Variants in ASCC3 observed in about 807,000 individuals in gnomAD.
The protein encoded by ASCC3 is activating signal cointegrator 1 complex subunit 3.
A neutral mutation model predicts 256.3 loss-of-function variants in ASCC3; 158 were observed. The observed-to-expected ratio is 0.62, with a 90% CI of 0.54 to 0.70. The LOEUF (loss-of-function observed/expected upper bound fraction) is 0.70, where lower values mean the gene tolerates loss of function less well. Among genes scored for constraint, ASCC3 ranks in the 30% least tolerant of loss-of-function variants. ASCC3 has a pLI of 0.00. For synonymous variants in ASCC3, 948 were observed against 883.4 expected, an observed-to-expected ratio of 1.07 and a Z score of -1.30; for missense variants, 2,259 against 2,626.0, an observed-to-expected ratio of 0.86 and a Z score of 3.05.
At chr6:100,554,017 T>A (rs1004470964) in intron 36 of ASCC3, among the ~76,000 whole-genome samples, 15 of 152,272 alleles carry the variant, frequency 9.9e-5, no homozygotes, top group Admixed American at 9.8e-4. Context: ...CAGCTAAATA[T>A]GAGATATGCC....
chr6:100,513,340 T>C (rs1427036343), intron 39 of ASCC3, among the ~76,000 whole-genome samples: 1 of 152,218 alleles, frequency 6.6e-6, no homozygotes, highest in Admixed American at 6.5e-5. Context: ...ACTGAGCAGC[T>C]GTTGACTATA....
intron 25 of ASCC3, among the ~76,000 whole-genome samples, chr6:100,632,997 T>C (rs1317682379): frequency 1.3e-5 from 2 of 151,646 alleles, no homozygotes; most frequent in Non-Finnish European, 2.9e-5. Flanking sequence ...AATAAATAAA[T>C]AAATAAAATC....
chr6:100,871,265 T>C (rs1773729502), intron 1 of ASCC3, among the ~76,000 whole-genome samples: 1 of 151,970 alleles, frequency 6.6e-6, no homozygotes, highest in South Asian at 2.1e-4. Flanking sequence ...CCGGCTAATT[T>C]TGGTATTTTT....
At chr6:100,515,312 C>G (rs1033425859) in intron 39 of ASCC3, among the ~76,000 whole-genome samples, 1 of 152,042 alleles carries the variant, frequency 6.6e-6, no homozygotes, top group African/African-American at 2.4e-5. Flanking sequence ...TTGGGTTCAA[C>G]AGAAACTGAA....
At chr6:100,693,364 G>A (rs984154226) in intron 13 of ASCC3, among the ~76,000 whole-genome samples, 1 of 151,936 alleles carries the variant, frequency 6.6e-6, no homozygotes, top group African/African-American at 2.4e-5. Flanking sequence ...CAAAACTGAG[G>A]GTGGAAAGGC....
intron 13 of ASCC3, among the ~76,000 whole-genome samples, chr6:100,712,087 C>T (rs947693650): frequency 1.5e-4 from 23 of 152,230 alleles, no homozygotes; most frequent in African/African-American, 4.6e-4. Flanking sequence ...TGAATCTAGA[C>T]GCAGACCTCA....
chr6:100,609,113 T>C (rs548934850), intron 30 of ASCC3, among the ~76,000 whole-genome samples: 2 of 152,050 alleles, frequency 1.3e-5, no homozygotes, highest in African/African-American at 4.8e-5. Context: ...ATTTTATTTA[T>C]GCTTTAACTT....
At chr6:100,625,120 A>G (rs1774160164) in intron 30 of ASCC3, 72 bp downstream of exon 30, 1 of 1,551,198 alleles carries the variant, frequency 6.4e-7, no homozygotes, top group East Asian at 2.3e-5. Context: ...ATACAATTAC[A>G]TATGTAATGA....
chr6:100,653,022 CA>C (rs1775746171), intron 17 of ASCC3, 133 bp from the exon 18 acceptor site: 2 of 787,312 alleles, frequency 2.5e-6, no homozygotes, highest in Non-Finnish European at 2.0e-6. Context: ...TTTTAAAGTA[CA>C]TTTTTCTACA....
At chr6:100,821,865 A>C (rs1188642744) in intron 4 of ASCC3, among the ~76,000 whole-genome samples, 2 of 152,116 alleles carry the variant, frequency 1.3e-5, no homozygotes, top group African/African-American at 4.8e-5. Flanking sequence ...GTAATAAACA[A>C]CATGAATGAA....
At chr6:100,572,294 T>C (rs1260306657) in intron 36 of ASCC3, among the ~76,000 whole-genome samples, 2 of 152,174 alleles carry the variant, frequency 1.3e-5, no homozygotes, top group Non-Finnish European at 2.9e-5. Context: ...AACTAGAAGA[T>C]GGCCATGTTT....
At position 100,509,959 on chromosome 6, in the gene ASCC3, G is replaced by C. The variant is rs1478297835; in HGVS notation, c.6434C>G (p.Ser2145Cys). ...YIRNHHVASL[S>C]FYTPEIPGRY... ...TCCAGGTATTTCAGGGGTATAAAAAGAAAGGGAAGCAACATGATGATTTCG... is the reference window on the plus strand; with the variant it reads ...TCCAGGTATTTCAGGGGTATAAAAACAAAGGGAAGCAACATGATGATTTCG... Residue 2145 changes from serine to cysteine, a missense_variant, in exon 41 of 42, where the codon TCT becomes TGT. Ser to Cys is a moderately radical substitution (Grantham distance 112, BLOSUM62 -1). Coordinates refer to ENST00000369162, the MANE Select transcript of ASCC3 (RefSeq NM_006828.4). The C allele has an allele frequency of 1.2e-6, 2 of 1,613,266 alleles. No homozygotes were observed. The highest frequency in any genetic ancestry group is 2.7e-5 in the African/African-American group (2 of 74,816).
intron 26 of ASCC3, 23 bp from the exon 27 acceptor site, chr6:100,629,204 T>C (rs766026813): frequency 6.2e-7 from 1 of 1,608,426 alleles, no homozygotes; most frequent in Non-Finnish European, 8.5e-7. Flanking sequence ...ATAACAATGA[T>C]CCCAGAAACT....
At chr6:100,666,806 G>T (rs1776498133) in intron 14 of ASCC3, among the ~76,000 whole-genome samples, 1 of 151,816 alleles carries the variant, frequency 6.6e-6, no homozygotes, top group Non-Finnish European at 1.5e-5. Flanking sequence ...ACATTCCTAA[G>T]AAGAGTACCT....
chr6:100,584,045 GA>G (rs879641507), intron 36 of ASCC3, among the ~76,000 whole-genome samples: 31 of 151,918 alleles, frequency 2.0e-4, no homozygotes, highest in Non-Finnish European at 3.2e-4. Flanking sequence ...GTGTGGTGCT[GA>G]AAAAAATGTA....
At chr6:100,683,509 A>G (rs955050501) in intron 13 of ASCC3, among the ~76,000 whole-genome samples, 1 of 152,112 alleles carries the variant, frequency 6.6e-6, no homozygotes, top group African/African-American at 2.4e-5. Flanking sequence ...AGTCATTACA[A>G]GGTTTTGGGT....
chr6:100,612,769 T>C (rs549988626), intron 30 of ASCC3, among the ~76,000 whole-genome samples: 28 of 152,046 alleles, frequency 1.8e-4, no homozygotes, highest in Admixed American at 1.3e-3. Flanking sequence ...AAGAAATAAA[T>C]GAATTAAAAA....
chr6:100,802,172 G>C (rs951489792), intron 5 of ASCC3, among the ~76,000 whole-genome samples: 2 of 151,930 alleles, frequency 1.3e-5, no homozygotes, highest in Admixed American at 1.3e-4. Context: ...GTAAAGCAGT[G>C]AATGTTTAAA....
At chr6:100,636,050 G>A (rs1774828040) in intron 25 of ASCC3, among the ~76,000 whole-genome samples, 1 of 152,074 alleles carries the variant, frequency 6.6e-6, no homozygotes, top group African/African-American at 2.4e-5. Flanking sequence ...TCAACTGGAG[G>A]ACTACAAAGT....
Sources: gnomAD v4.1 joint callset for allele counts (sites outside exome capture counted in the v4.1 genomes callset) on GRCh38, gnomAD v4.1.1 for gene constraint, MANE v1.5 for transcripts, NCBI Gene and HGNC (gene_info 2026-07-23, HGNC 2026-07-21) for gene names.